Variants in DOT1L observed in about 807,000 individuals in gnomAD.
DOT1L encodes DOT1 like histone lysine methyltransferase, also known as histone-lysine N-methyltransferase, H3 lysine-79 specific.
In DOT1L, 33 loss-of-function variants were observed where a neutral mutation model predicts 153.3. The ratio of observed to expected loss-of-function variants is 0.22; its 90% CI spans 0.16 to 0.29. The LOEUF is 0.29. Among genes scored for constraint, DOT1L ranks in the 10% least tolerant of loss-of-function variants. The pLI is 1.00. For synonymous variants in DOT1L, 1,135 were observed against 965.1 expected (o/e 1.18, Z -3.26); for missense variants, 1,847 against 2,119.9 (o/e 0.87, Z 2.53).
At chr19:2,187,752 C>G (rs934662574) in intron 3 of DOT1L, among the ~76,000 whole-genome samples, 1 of 152,094 alleles carries the variant, frequency 6.6e-6, no homozygotes, top group Non-Finnish European at 1.5e-5. Context: ...GAAACCCCGT[C>G]TCTACTAAAA....
intron 27 of DOT1L, 190 bp from the exon 28 acceptor site, chr19:2,229,595 C>A (rs1005913079): frequency 1.0e-6 from 1 of 985,336 alleles, no homozygotes; most frequent in Non-Finnish European, 1.2e-6. Context: ...GTGTCAGGCT[C>A]CCTGGTCTGT....
At chr19:2,218,953 C>T (rs1055978570) in intron 22 of DOT1L, among the ~76,000 whole-genome samples, 1 of 151,304 alleles carries the variant, frequency 6.6e-6, no homozygotes, top group South Asian at 2.1e-4. Flanking sequence ...CTCACTGCAG[C>T]CTCCGCCTGC....
Position 2,217,916 on chromosome 19 carries a change from G to T in DOT1L, c.2689G>T (p.Ala897Ser). The change falls in exon 22 of 28, where the codon GCG (alanine) becomes TCG (serine). Residue 897 changes from alanine (A) to serine (S), a missense_variant and splice_region_variant. By Grantham distance (99) the Ala-to-Ser change is moderately conservative. Transcript: ENST00000398665. The surrounding 1 kb of genome is among the most constrained non-coding windows in gnomAD (Gnocchi z 7.3). ...SVVLPSRAER[A>S]RSTPSPVLQP... ...GGTGCTGCCCAGCCGCGCCGAGAGGGCGGTGAGTGGCTCCCAGGTGGCTGT... is the reference window on the plus strand; with the variant it reads ...GGTGCTGCCCAGCCGCGCCGAGAGGTCGGTGAGTGGCTCCCAGGTGGCTGT... 1.2e-6 allele frequency: 2 copies of T among 1,611,168 alleles called. No individual in the cohort carries two copies. Among genetic ancestry groups the T allele is most frequent in the Non-Finnish European group, 8.5e-7 (1 of 1,179,624 alleles).
Position 2,207,629 on chromosome 19 carries a change from G to A in DOT1L, c.912G>A (p.Ser304=), listed in dbSNP as rs375124448. ...TCTCGCCCCTGAAGGGCTCGGTGTC[G>A]TGGACGGGGAAGCCAGTCTCCTACT... is the stretch of plus-strand genomic sequence containing the variant. ...VELSPLKGSV[S]WTGKPVSYYL... is the part of the protein sequence containing the mutation. Residue 304 remains serine, a synonymous_variant, in exon 11 of 28, where the codon TCG becomes TCA. Transcript: ENST00000398665. The surrounding 1 kb of genome is among the most constrained non-coding windows in gnomAD (Gnocchi z 4.5). 1.1e-5 allele frequency: 18 copies of A among 1,612,598 alleles called. No individual in the cohort carries two copies. In the East Asian group the frequency reaches 1.3e-4, roughly 12 times the overall value.
At chr19:2,224,390 A>C (rs1266227065) in intron 25 of DOT1L, among the ~76,000 whole-genome samples, 1 of 151,436 alleles carries the variant, frequency 6.6e-6, no homozygotes, top group Non-Finnish European at 1.5e-5. Flanking sequence ...CATCCTCAAC[A>C]CACTGAATTT....
chr19:2,226,980 T>C lies in DOT1L; in HGVS notation c.4459T>C (p.Ser1487Pro), dbSNP rs745561710. ...CATGTCCCTGCAGGCCAACCTCGGCTCCGTGGCCGGCTCCTCCGTGCTGCA... is the reference window on the plus strand; with the variant it reads ...CATGTCCCTGCAGGCCAACCTCGGCCCCGTGGCCGGCTCCTCCGTGCTGCA... Reference protein sequence around the residue: ...GPMSLQANLGSVAGSSVLQSL... With the variant: ...GPMSLQANLGPVAGSSVLQSL... The change falls in exon 27 of 28, where the codon TCC (serine) becomes CCC (proline). Residue 1487 changes from serine (S) to proline (P), a missense_variant. Ser to Pro is a moderately conservative substitution (Grantham distance 74). This residue lies in a region of DOT1L where 934 missense variants were observed against 825.3 expected (regional missense o/e 1.13). Transcript: ENST00000398665. The C allele has an allele frequency of 1.2e-5, 19 of 1,591,662 alleles. No homozygotes were observed. Among genetic ancestry groups the C allele is most frequent in the Admixed American group, 1.7e-5 (1 of 59,446 alleles).
Position 2,214,579 on chromosome 19 carries a change from C to T in DOT1L, c.1906C>T (p.His636Tyr). Reference sequence around the variant, plus strand: ...GAGCCAGATCTCGGAGAAGCAGAGGCACTGCCTGGAGCTGCAGGTGGGCTG... The same window carrying T: ...GAGCCAGATCTCGGAGAAGCAGAGGTACTGCCTGGAGCTGCAGGTGGGCTG... ...LKSQISEKQR[H>Y]CLELQISIVE... The change falls in exon 19 of 28, where the codon CAC becomes TAC. Residue 636 changes from histidine to tyrosine, a missense_variant. His to Tyr is a moderately conservative substitution (Grantham distance 83, BLOSUM62 2). This residue lies in a region of DOT1L where 156 missense variants were observed against 235.7 expected (regional missense o/e 0.66). Coordinates refer to ENST00000398665, the MANE Select transcript of DOT1L (RefSeq NM_032482.3). 1 of 1,612,920 alleles carries T rather than the reference C, an allele frequency of 6.2e-7. No individual in the cohort carries two copies.
At chr19:2,224,735 G>A (rs568304246) in intron 25 of DOT1L, among the ~76,000 whole-genome samples, 17 of 152,268 alleles carry the variant, frequency 1.1e-4, no homozygotes, top group Admixed American at 5.9e-4. Context: ...CCCAGCGTGC[G>A]CCATCACAGC....
At chr19:2,228,065 G>C (rs1197743610) in intron 27 of DOT1L, 1 of 1,316,320 alleles carries the variant, frequency 7.6e-7, no homozygotes, top group African/African-American at 1.5e-5. Context: ...CGCTTCTGCA[G>C]AGCCTCGCGT....
chr19:2,228,305 G>A (rs769132662), intron 27 of DOT1L: 12 of 1,347,100 alleles, frequency 8.9e-6, no homozygotes, highest in Non-Finnish European at 1.2e-5. Flanking sequence ...TCGGCATGCC[G>A]CCTCCCTATG....
At chr19:2,224,034 G>A (rs1464426634) in intron 25 of DOT1L, among the ~76,000 whole-genome samples, 1 of 152,036 alleles carries the variant, frequency 6.6e-6, no homozygotes, top group African/African-American at 2.4e-5. Context: ...CTCTGAATCT[G>A]AGGGCTCTAG....
chr19:2,224,438 GA>G (rs2024246710), intron 25 of DOT1L, among the ~76,000 whole-genome samples: 1 of 150,576 alleles, frequency 6.6e-6, no homozygotes, highest in Non-Finnish European at 1.5e-5. Flanking sequence ...GTCGTGAAGT[GA>G]TATAACATGG....
At position 2,228,080 on chromosome 19, in the gene DOT1L, C is replaced by G. The variant is rs776661037; in HGVS notation, c.4606+953C>G. 6.0e-6 allele frequency: 8 copies of G among 1,332,292 alleles called. No individual in the cohort carries two copies. In the Admixed American group the frequency reaches 8.6e-5, roughly 14 times the overall value. The allele number at this position is 1,332,292 out of a possible 1,614,324, so 82.5% of individuals were successfully genotyped here. On this transcript the variant is annotated intron_variant, in intron 27 of 27. Transcript: ENST00000398665. ...CGCTTCTGCAGAGCCTCGCGTCCCT[C>G]CCGCCTAACCAAGCTTTCTTGCCCC...
In DOT1L at chr19:2,197,502, G is replaced by T. The variant is rs550018221; in HGVS notation, c.652-2382G>T. 1.3e-5 allele frequency among the ~76,000 whole-genome samples: 2 copies of T among 152,310 alleles called. No individual in the cohort carries two copies. Among genetic ancestry groups the T allele is most frequent in the South Asian group, 4.1e-4 (2 of 4,826 alleles). On this transcript the variant is annotated intron_variant, in intron 7 of 27. Transcript: ENST00000398665. This position sits in a 1 kb window ranked among gnomAD's most constrained non-coding sequence, Gnocchi z 4.1. ...GCTGTCGGGTGGTGGGGCTGCCGCA[G>T]CACTGCTCCCCCTTCTGCCTCATCT...
intron 8 of DOT1L, among the ~76,000 whole-genome samples, chr19:2,200,366 C>T (rs963918028): frequency 4.6e-5 from 7 of 152,236 alleles, no homozygotes; most frequent in African/African-American, 1.7e-4. Context: ...TCCCAAAAGC[C>T]ATCTCTGCAC....
rs1485277114 is a variant in DOT1L at position 2,208,525 on chromosome 19, G to A, written c.964-410G>A. Among the ~76,000 whole-genome samples, 4 of 152,164 alleles carry A rather than the reference G, an allele frequency of 2.6e-5. No homozygotes were observed. The highest frequency in any genetic ancestry group is 5.9e-5 in the Non-Finnish European group (4 of 68,018). Reference sequence around the variant, plus strand: ...TGAGGCTCTGGGGGCTTGGCCTACCGTGCGGCCCCCACCTCCACGCAGTGC... The same window carrying A: ...TGAGGCTCTGGGGGCTTGGCCTACCATGCGGCCCCCACCTCCACGCAGTGC... On this transcript the variant is annotated intron_variant, in intron 11 of 27. Coordinates refer to ENST00000398665, the MANE Select transcript of DOT1L (RefSeq NM_032482.3). This position sits in a 1 kb window ranked among gnomAD's most constrained non-coding sequence, Gnocchi z 4.4.
intron 7 of DOT1L, among the ~76,000 whole-genome samples, chr19:2,196,727 T>G (rs558605221): frequency 2.8e-4 from 43 of 152,260 alleles, no homozygotes; most frequent in African/African-American, 1.0e-3. Context: ...CCCTTTCCCG[T>G]ACCCTCGTGC....
Position 2,217,103 on chromosome 19 carries a change from A to T in DOT1L, c.2544+13A>T. 6.3e-7 allele frequency: 1 copy of T among 1,577,846 alleles called. No individual in the cohort carries two copies. The highest frequency in any genetic ancestry group is 8.6e-7 in the Non-Finnish European group (1 of 1,158,932). On this transcript the variant is annotated intron_variant, in intron 21 of 27. Coordinates refer to ENST00000398665, the MANE Select transcript of DOT1L (RefSeq NM_032482.3). This position sits in a 1 kb window ranked among gnomAD's most constrained non-coding sequence, Gnocchi z 7.3. ...GAGCAGTGAGAAGGTGCGGGCCGCG[A>T]CCCCTGCCCCGGGCTCAGGGAGGTG...
chr19:2,167,724 C>T (rs1010085904), intron 1 of DOT1L, among the ~76,000 whole-genome samples: 6 of 128,540 alleles, frequency 4.7e-5, no homozygotes, highest in Non-Finnish European at 9.1e-5. Context: ...TTCTGATTTT[C>T]TTTTCTTTTC....
Sources: allele counts gnomAD v4.1 joint callset (sites outside exome capture counted in the v4.1 genomes callset), GRCh38; gene constraint gnomAD v4.1.1; regional missense constraint gnomAD v4.1.1; non-coding constraint Gnocchi (gnomAD v3.1); transcripts MANE v1.5; gene names NCBI Gene and HGNC (gene_info 2026-07-23, HGNC 2026-07-21).